The following ULK4 variants were observed in gnomAD, a reference collection of about 807,000 sequenced individuals.
The protein encoded by ULK4 is unc-51 like kinase 4, also known as inactive serine/threonine-protein kinase ULK4.
In ULK4, 133 loss-of-function variants were observed where a neutral mutation model predicts 160.6. The observed-to-expected ratio is 0.83, with a 90% CI of 0.72 to 0.96. The LOEUF is 0.96. Among genes scored for constraint, ULK4 ranks in the 40% least tolerant of loss-of-function variants. The pLI, the probability that ULK4 is intolerant of heterozygous loss-of-function variation, is 0.00. For missense variants in ULK4, 1,580 were observed against 1,499.5 expected (o/e 1.05, Z -0.89); for synonymous variants, 534 against 539.8 (o/e 0.99, Z 0.15).
intron 32 of ULK4, among the ~76,000 whole-genome samples, chr3:41,499,663 A>G (rs765843186): frequency 6.6e-6 from 1 of 152,226 alleles, no homozygotes; most frequent in Non-Finnish European, 1.5e-5. Context: ...GAATTAATAT[A>G]TCAATTACGC....
rs2293305 is a variant in ULK4 at position 41,249,669 on chromosome 3, G to T, written c.3679-95C>A. The stretch of plus-strand genomic sequence containing the variant: ...ACCCTGAGTATCAGGCCTGCATGGT[G>T]CTGTGGCTGCCTAAGGCACTGGGGG... On this transcript the variant is annotated intron_variant, in intron 35 of 36. Transcript: ENST00000301831. The T allele has an allele frequency of 1.2e-4, 151 of 1,312,348 alleles. 2 individuals carry two copies. The East Asian group carries it at 3.8e-3, about 33-fold the overall frequency. 81.3% of individuals were successfully genotyped at this position (1,312,348 alleles called of 1,614,324 possible). A position where few individuals can be genotyped will look rare whatever the true frequency, so the allele number is the denominator to read the frequency against.
chr3:41,822,499 C>T (rs1467258956), intron 18 of ULK4, among the ~76,000 whole-genome samples: 2 of 151,132 alleles, frequency 1.3e-5, no homozygotes, highest in Non-Finnish European at 2.9e-5. Context: ...CTCACTGCAA[C>T]CACCACCTCC....
chr3:41,909,778 T>C (rs1698712874), intron 11 of ULK4, among the ~76,000 whole-genome samples: 1 of 152,264 alleles, frequency 6.6e-6, no homozygotes, highest in African/African-American at 2.4e-5. Flanking sequence ...TAAACATACA[T>C]TACATTTAAA....
intron 34 of ULK4, among the ~76,000 whole-genome samples, chr3:41,430,451 C>T (rs2082878966): frequency 6.6e-6 from 1 of 152,154 alleles, no homozygotes; most frequent in African/African-American, 2.4e-5. Flanking sequence ...AGCTCTGCTT[C>T]GTGTGCCTTC....
intron 32 of ULK4, among the ~76,000 whole-genome samples, chr3:41,538,919 T>C (rs1406398377): frequency 6.6e-6 from 1 of 152,024 alleles, no homozygotes; most frequent in African/African-American, 2.4e-5. Context: ...CTATTTTTTA[T>C]ATATTTTATT....
At chr3:41,315,669 T>C (rs1280062945) in intron 35 of ULK4, among the ~76,000 whole-genome samples, 1 of 152,166 alleles carries the variant, frequency 6.6e-6, no homozygotes, top group Non-Finnish European at 1.5e-5. Context: ...TCTAGGCTGG[T>C]GTAGCCAAGA....
At chr3:41,431,404 A>G (rs1386497820) in intron 34 of ULK4, among the ~76,000 whole-genome samples, 2 of 149,974 alleles carry the variant, frequency 1.3e-5, no homozygotes, top group East Asian at 3.9e-4. Flanking sequence ...TAATACCCCT[A>G]CCAATAACAA....
chr3:41,726,800 A>G (rs939968152), intron 22 of ULK4, among the ~76,000 whole-genome samples: 19 of 151,944 alleles, frequency 1.3e-4, no homozygotes, highest in African/African-American at 4.1e-4. Flanking sequence ...TGTTTTGTTT[A>G]TTTGTTTCAT....
intron 18 of ULK4, among the ~76,000 whole-genome samples, chr3:41,830,210 C>T (rs1034317016): frequency 3.3e-5 from 5 of 151,892 alleles, no homozygotes; most frequent in African/African-American, 7.3e-5. Context: ...GACGAGTTAA[C>T]GGGTGCAGCA....
chr3:41,944,754 A>G (rs1700063473), intron 2 of ULK4, among the ~76,000 whole-genome samples: 1 of 152,032 alleles, frequency 6.6e-6, no homozygotes, highest in Non-Finnish European at 1.5e-5. Context: ...ACTCCCCCTT[A>G]AACATATTTC....
At chr3:41,829,719 A>C (rs2041502915) in intron 18 of ULK4, among the ~76,000 whole-genome samples, 3 of 151,332 alleles carry the variant, frequency 2.0e-5, no homozygotes, top group Non-Finnish European at 4.4e-5. Context: ...TAGTTCAACC[A>C]TTGTGGAAGT....
chr3:41,614,456 A>G (rs1335561061), intron 31 of ULK4, among the ~76,000 whole-genome samples: 2 of 152,250 alleles, frequency 1.3e-5, no homozygotes, highest in Non-Finnish European at 2.9e-5. Context: ...GGAAAGATAC[A>G]CATATCCATA....
chr3:41,923,984 A>T lies in ULK4; in HGVS notation c.542-4166T>A, dbSNP rs77021095. Reference sequence around the variant, plus strand: ...CAGCCAACCCCTATCTTTACACAGGAAATTAAAACTCCTAGCAGCTATGTG... The same window carrying T: ...CAGCCAACCCCTATCTTTACACAGGTAATTAAAACTCCTAGCAGCTATGTG... On this transcript the variant is annotated intron_variant, in intron 5 of 36. Coordinates refer to ENST00000301831, the MANE Select transcript of ULK4 (RefSeq NM_017886.4). Among the ~76,000 whole-genome samples, 1,029 of 152,268 alleles carry T rather than the reference A, an allele frequency of 6.8e-3. 10 individuals carry two copies. Among genetic ancestry groups the T allele is most frequent in the African/African-American group, 0.024 (989 of 41,540 alleles).
intron 35 of ULK4, among the ~76,000 whole-genome samples, chr3:41,307,234 C>G (rs996617257): frequency 6.6e-6 from 1 of 151,532 alleles, no homozygotes; most frequent in African/African-American, 2.4e-5. Flanking sequence ...AGGCCACACC[C>G]ATGCGGCTAC....
chr3:41,257,959 A>G (rs2078866493), intron 35 of ULK4, among the ~76,000 whole-genome samples: 1 of 152,220 alleles, frequency 6.6e-6, no homozygotes, highest in Non-Finnish European at 1.5e-5. Flanking sequence ...TTGCTAAATT[A>G]TTGTATACTA....
At chr3:41,777,281 T>C (rs1345244231) in intron 21 of ULK4, among the ~76,000 whole-genome samples, 1 of 89,388 alleles carries the variant, frequency 1.1e-5, no homozygotes, top group Non-Finnish European at 2.0e-5. Flanking sequence ...CCCTTTATCA[T>C]TTTTTATTGT....
At chr3:41,647,494 G>C (rs1041285021) in intron 30 of ULK4, among the ~76,000 whole-genome samples, 3 of 152,184 alleles carry the variant, frequency 2.0e-5, no homozygotes, top group Admixed American at 1.3e-4. Context: ...AGCAGCGGTG[G>C]CTGCAGAACA....
chr3:41,742,970 A>G (rs774478693), intron 22 of ULK4, among the ~76,000 whole-genome samples: 7 of 151,908 alleles, frequency 4.6e-5, no homozygotes, highest in Non-Finnish European at 1.0e-4. Context: ...CTCAGGGATC[A>G]GTAGGAGAAT....
chr3:41,934,670 T>C (rs562440281), intron 4 of ULK4, among the ~76,000 whole-genome samples: 3 of 152,300 alleles, frequency 2.0e-5, no homozygotes, highest in African/African-American at 4.8e-5. Flanking sequence ...GTGTTAGTGT[T>C]GATTGCAACT....
Sources: gnomAD v4.1 joint callset for allele counts (sites outside exome capture counted in the v4.1 genomes callset) on GRCh38, gnomAD v4.1.1 for gene constraint, MANE v1.5 for transcripts, NCBI Gene and HGNC (gene_info 2026-07-23, HGNC 2026-07-21) for gene names.